Variants in NCOA2 observed in about 807,000 individuals in gnomAD.
NCOA2 encodes the protein nuclear receptor coactivator 2.
Under a neutral mutation model 145.1 loss-of-function variants are expected in NCOA2, and 21 were observed. The ratio of observed to expected loss-of-function variants is 0.14; its 90% CI spans 0.10 to 0.21. The LOEUF is 0.21. NCOA2 is among the 10% of genes least tolerant of loss of function. The pLI is 1.00. For missense variants in NCOA2, 1,472 were observed against 1,837.6 expected (o/e 0.80, Z 3.64); for synonymous variants, 619 against 637.5 (o/e 0.97, Z 0.44).
chr8:70,384,115 G>T lies in NCOA2; in HGVS notation c.-77+19585C>A, dbSNP rs569722412. The stretch of plus-strand genomic sequence containing the variant: ...ACCCAAAGAACCAACTTATCCCTAT[G>T]GAAAAGAGAACTATTACTGATGATT... On this transcript the variant is annotated intron_variant, in intron 1 of 22. Transcript: ENST00000452400. Among the ~76,000 whole-genome samples, 6 of 152,112 alleles carry T rather than the reference G, an allele frequency of 3.9e-5. No homozygotes were observed. In the South Asian group the frequency reaches 1.0e-3, roughly 26 times the overall value.
chr8:70,405,072 G>A (rs1814707255), upstream of NCOA2, among the ~76,000 whole-genome samples: 1 of 152,136 alleles, frequency 6.6e-6, no homozygotes, highest in African/African-American at 2.4e-5. Context: ...CGAAGTCATT[G>A]CCGCTTTTCA....
intron 2 of NCOA2, among the ~76,000 whole-genome samples, chr8:70,223,628 T>C (rs565390219): frequency 1.3e-5 from 2 of 152,342 alleles, no homozygotes; most frequent in African/African-American, 4.8e-5. Context: ...CCATCATCCA[T>C]GGAGTGTTTC....
intron 6 of NCOA2, among the ~76,000 whole-genome samples, chr8:70,168,987 C>T (rs534513269): frequency 4.6e-5 from 7 of 152,220 alleles, no homozygotes; most frequent in African/African-American, 1.2e-4. Flanking sequence ...AAAGCTAGCC[C>T]GAATGAAATT....
At chr8:70,148,987 T>A (rs77666956) in intron 11 of NCOA2, among the ~76,000 whole-genome samples, 1 of 151,944 alleles carries the variant, frequency 6.6e-6, no homozygotes, top group East Asian at 1.9e-4. Flanking sequence ...TTTTTTTTTT[T>A]AATCTTTAAA....
the NCOA2 span, among the ~76,000 whole-genome samples, chr8:70,412,629 C>A: frequency 2.8e-5 from 3 of 108,808 alleles, no homozygotes; most frequent in African/African-American, 1.1e-4. Flanking sequence ...GCCTGGGCAA[C>A]AGAGCACTAC....
the NCOA2 span, among the ~76,000 whole-genome samples, chr8:70,425,607 C>G: frequency 6.6e-6 from 1 of 152,152 alleles, no homozygotes; most frequent in African/African-American, 2.4e-5. Flanking sequence ...ACTTTTTCAC[C>G]GTGCTTCACC....
At chr8:70,191,477 A>C (rs1201935458) in intron 4 of NCOA2, among the ~76,000 whole-genome samples, 1 of 152,206 alleles carries the variant, frequency 6.6e-6, no homozygotes, top group African/African-American at 2.4e-5. Context: ...CCCACTTAGA[A>C]TATCCTCTGG....
intron 2 of NCOA2, among the ~76,000 whole-genome samples, chr8:70,223,661 G>A (rs979483310): frequency 3.9e-5 from 6 of 152,098 alleles, no homozygotes; most frequent in African/African-American, 1.4e-4. Flanking sequence ...CGTTTTCTAC[G>A]TACTTTACCT....
At chr8:70,401,088 A>AACACACACACACAT (rs373439127) in intron 1 of NCOA2, among the ~76,000 whole-genome samples, 2 of 151,900 alleles carry the variant, frequency 1.3e-5, no homozygotes, top group South Asian at 2.1e-4. Flanking sequence ...AAAGAACAGG[A>AACACACACACACAT]ACACACACAC....
At chr8:70,131,615 T>C (rs909304073) in intron 16 of NCOA2, among the ~76,000 whole-genome samples, 7 of 152,180 alleles carry the variant, frequency 4.6e-5, no homozygotes, top group African/African-American at 1.7e-4. Flanking sequence ...TAACTTGAAC[T>C]GTATGCAATG....
chr8:70,351,234 G>A (rs908871953), intron 1 of NCOA2, among the ~76,000 whole-genome samples: 5 of 152,088 alleles, frequency 3.3e-5, no homozygotes, highest in South Asian at 2.1e-4. Flanking sequence ...AACATATACC[G>A]ACAACCTACC....
chr8:70,446,272 C>T, the NCOA2 span, among the ~76,000 whole-genome samples: 1 of 152,148 alleles, frequency 6.6e-6, no homozygotes, highest in African/African-American at 2.4e-5. Context: ...ACCACCACAA[C>T]CCCTTTATCG....
Position 70,307,751 on chromosome 8 carries a change from A to G in NCOA2, c.-76-10951T>C, listed in dbSNP as rs550397637. Among the ~76,000 whole-genome samples, 123 of 152,348 alleles carry G rather than the reference A, an allele frequency of 8.1e-4. 1 individual carries two copies. The highest frequency in any genetic ancestry group is 1.3e-3 in the Non-Finnish European group (86 of 68,028). ...CTACTAGCAGTACATGCTGAACTCA[A>G]TGTAACCTGAGCTCAGCAGATTATA... On this transcript the variant is annotated intron_variant, in intron 1 of 22. Coordinates refer to ENST00000452400, the MANE Select transcript of NCOA2 (RefSeq NM_006540.4).
At chr8:70,372,160 TA>T (rs1375619399) in intron 1 of NCOA2, among the ~76,000 whole-genome samples, 1 of 152,132 alleles carries the variant, frequency 6.6e-6, no homozygotes, top group Admixed American at 6.5e-5. Context: ...AAAATACATT[TA>T]TTTTGAAACC....
intron 15 of NCOA2, among the ~76,000 whole-genome samples, chr8:70,134,040 C>T (rs1809460928): frequency 6.6e-6 from 1 of 152,186 alleles, no homozygotes; most frequent in Non-Finnish European, 1.5e-5. Context: ...GCTCTTCCCA[C>T]TCCCGCCCCT....
At chr8:70,199,171 G>C (rs913536007) in intron 4 of NCOA2, among the ~76,000 whole-genome samples, 1 of 152,132 alleles carries the variant, frequency 6.6e-6, no homozygotes, top group African/African-American at 2.4e-5. Context: ...AAAGGGGTGA[G>C]GTGCAGTGGC....
intron 1 of NCOA2, among the ~76,000 whole-genome samples, chr8:70,304,856 C>CA (rs1563743878): frequency 8.0e-6 from 1 of 125,734 alleles, no homozygotes; most frequent in Non-Finnish European, 1.7e-5. Context: ...AAGTAACTAG[C>CA]TTTTTTTTTT....
In NCOA2 at chr8:70,267,392, G is replaced by GT. The variant is rs34028372; in HGVS notation, c.-20+29351dup. 1.8e-3 allele frequency among the ~76,000 whole-genome samples: 186 copies of GT among 102,476 alleles called. 1 individual carries two copies. The highest frequency in any genetic ancestry group is 0.012 in the South Asian group (38 of 3,204). The allele number at this position is 102,476 out of a possible 152,430, so 67.2% of individuals were successfully genotyped here. A position where few individuals can be genotyped will look rare whatever the true frequency, so the allele number is the denominator to read the frequency against. On this transcript the variant is annotated intron_variant, in intron 2 of 22. Transcript: ENST00000452400. ...GCTAATAAAGATCTGTTTCCTTTCTGTTTTTTTTTTTTTTTTTTTTCCTTT... is the reference window on the plus strand; with the variant it reads ...GCTAATAAAGATCTGTTTCCTTTCTGTTTTTTTTTTTTTTTTTTTTTCCTTT...
intron 1 of NCOA2, among the ~76,000 whole-genome samples, chr8:70,365,805 A>G (rs1810636757): frequency 6.6e-6 from 1 of 152,226 alleles, no homozygotes; most frequent in Non-Finnish European, 1.5e-5. Context: ...GAGAAAAAAG[A>G]GAAAGAAATG....
Sources: allele counts gnomAD v4.1 joint callset (sites outside exome capture counted in the v4.1 genomes callset), GRCh38; gene constraint gnomAD v4.1.1; transcripts MANE v1.5; gene names NCBI Gene and HGNC (gene_info 2026-07-23, HGNC 2026-07-21).